Variants in POLQ observed in about 807,000 individuals in gnomAD.
The protein encoded by POLQ is DNA polymerase theta.
POLQ carries 233 observed loss-of-function variants against 259.2 expected under a neutral mutation model. The observed-to-expected ratio is 0.90, with a 90% CI of 0.81 to 1.00. POLQ has a LOEUF of 1.00. POLQ is among the 50% of genes least tolerant of loss of function. POLQ has a pLI of 0.00. For missense variants in POLQ, 2,871 were observed against 3,051.6 expected, an observed-to-expected ratio of 0.94 and a Z score of 1.39; for synonymous variants, 1,025 against 1,048.8, an observed-to-expected ratio of 0.98 and a Z score of 0.44.
intron 25 of POLQ, among the ~76,000 whole-genome samples, chr3:121,456,606 C>G (rs2047740918): frequency 6.6e-6 from 1 of 151,608 alleles, no homozygotes; most frequent in African/African-American, 2.4e-5. Context: ...AACAGAGAGC[C>G]AAATCATGAG....
At chr3:121,433,104 T>A in intron 28 of POLQ, 71 bp from the exon 29 acceptor site, 4 of 788,986 alleles carry the variant, frequency 5.1e-6, no homozygotes, top group South Asian at 2.8e-5. Flanking sequence ...TTAGAGATTC[T>A]GAGTAACTCT....
At chr3:121,517,288 T>A (rs2048305464) in intron 9 of POLQ, among the ~76,000 whole-genome samples, 1 of 152,186 alleles carries the variant, frequency 6.6e-6, no homozygotes, top group Admixed American at 6.5e-5. Context: ...GCAATCTGCA[T>A]ATTCTGTAGG....
chr3:121,459,442 C>T (rs559021830), intron 25 of POLQ, among the ~76,000 whole-genome samples: 164 of 131,568 alleles, frequency 1.2e-3, no homozygotes, highest in Non-Finnish European at 1.6e-3. Flanking sequence ...AGTGCAGTGG[C>T]GCTATCTCGG....
At position 121,453,224 on chromosome 3, in the gene POLQ, C is replaced by A. The variant is rs541161753; in HGVS notation, c.7153-3798G>T. Among the ~76,000 whole-genome samples the A allele has an allele frequency of 3.1e-4, 47 of 152,220 alleles. 1 individual carries two copies. In the East Asian group the frequency reaches 8.9e-3, roughly 29 times the overall value. Reference sequence around the variant, plus strand: ...CTAACAAACAGAAAGGACATCCACACCAAAAACCCATCTGTACATCACCAT... The same window carrying A: ...CTAACAAACAGAAAGGACATCCACAACAAAAACCCATCTGTACATCACCAT... On this transcript the variant is annotated intron_variant, in intron 25 of 29. Transcript: ENST00000264233.
chr3:121,481,596 A>C lies in POLQ; in HGVS notation c.6187T>G (p.Leu2063Val). The change falls in exon 19 of 30, where the codon TTG becomes GTG. Residue 2063 changes from leucine (L) to valine (V), a missense_variant. Leu to Val is a conservative substitution (Grantham distance 32, BLOSUM62 1). Transcript: ENST00000264233. Reference protein sequence around the residue: ...IFNSMNQLNSLLQKENLQDVF... With the variant: ...IFNSMNQLNSVLQKENLQDVF... ...CCTTGAAGGTTTTCCTTCTGCAACA[A>C]AGAGTTGAGCTGATTCATAGAGTTG... The C allele has an allele frequency of 1.2e-6, 2 of 1,601,394 alleles. No homozygotes were observed.
At chr3:121,497,023 C>A in intron 13 of POLQ, 91 bp from the exon 14 acceptor site, 1 of 1,246,068 alleles carries the variant, frequency 8.0e-7, no homozygotes, top group Non-Finnish European at 1.1e-6. Context: ...ACTGGAAAGG[C>A]AACAGAGGGC....
intron 12 of POLQ, among the ~76,000 whole-genome samples, chr3:121,501,533 C>G (rs1446268201): frequency 1.3e-5 from 2 of 149,808 alleles, no homozygotes; most frequent in Non-Finnish European, 1.5e-5. Context: ...GTGGCGGGCG[C>G]CTGTAGTCCC....
In POLQ at chr3:121,498,650, A is replaced by G. The variant is rs1332990998; in HGVS notation, c.1980T>C (p.Asp660=). Residue 660 remains aspartate, a synonymous_variant, in exon 13 of 30, where the codon GAT becomes GAC. Coordinates refer to ENST00000264233, the MANE Select transcript of POLQ (RefSeq NM_199420.4). The part of the protein sequence containing the change: ...ILYLVTPMFE[D]WTTIDWYRFF... ...ATCGATACCAATCAATAGTAGTCCA[A>G]TCCTCAAACATAGGTGTAACCTAAA... 1 of 1,611,560 alleles carries G rather than the reference A, an allele frequency of 6.2e-7. No individual in the cohort carries two copies.
intron 12 of POLQ, among the ~76,000 whole-genome samples, chr3:121,504,441 A>AAAT (rs2048194494): frequency 6.6e-6 from 1 of 152,166 alleles, no homozygotes; most frequent in African/African-American, 2.4e-5. Context: ...AAGTGGCTTG[A>AAAT]CTGGTGAAAT....
rs1435795337 is a variant in POLQ at position 121,473,336 on chromosome 3, G to T, written c.6543+14C>A. The T allele has an allele frequency of 6.2e-7, 1 of 1,603,904 alleles. No individual in the cohort carries two copies. The highest frequency in any genetic ancestry group is 1.3e-5 in the African/African-American group (1 of 74,352). On this transcript the variant is annotated intron_variant, in intron 21 of 29. Transcript: ENST00000264233. Reference sequence around the variant, plus strand: ...TTAGGTTCTGCCCTGCTCTGTGACTGCCCCAAAGAGCACCTTACTAGTGCT... The same window carrying T: ...TTAGGTTCTGCCCTGCTCTGTGACTTCCCCAAAGAGCACCTTACTAGTGCT...
chr3:121,451,359 G>A (rs1027751231), intron 25 of POLQ, among the ~76,000 whole-genome samples: 1 of 152,182 alleles, frequency 6.6e-6, no homozygotes, highest in African/African-American at 2.4e-5. Flanking sequence ...AGTGGGAGAG[G>A]CACTCTGATT....
chr3:121,484,336 A>G lies in POLQ; in HGVS notation c.5773+705T>C, dbSNP rs546789108. On this transcript the variant is annotated intron_variant, in intron 17 of 29. Transcript: ENST00000264233. Reference sequence around the variant, plus strand: ...CCAAAGTTTATATAATTCGACTACTATAGATCTCTAGCTCAACATTCCCTC... The same window carrying G: ...CCAAAGTTTATATAATTCGACTACTGTAGATCTCTAGCTCAACATTCCCTC... Among the ~76,000 whole-genome samples, 6 of 152,338 alleles carry G rather than the reference A, an allele frequency of 3.9e-5. No individual in the cohort carries two copies. In the South Asian group the frequency reaches 1.0e-3, roughly 26 times the overall value.
chr3:121,478,603 T>G (rs982285425), intron 19 of POLQ, among the ~76,000 whole-genome samples: 41 of 113,960 alleles, frequency 3.6e-4, no homozygotes, highest in Non-Finnish European at 6.7e-4. Flanking sequence ...AAAAAAAAGT[T>G]AAGCCTGAAA....
At position 121,545,828 on chromosome 3, in the gene POLQ, G is replaced by T. The variant is rs777270432; in HGVS notation, c.50C>A (p.Ser17Ter). Residue 17 changes from serine to a stop codon, truncating the protein, a stop_gained, in exon 1 of 30, where the codon TCA (serine) becomes TAA (stop). Coordinates refer to ENST00000264233, the MANE Select transcript of POLQ (RefSeq NM_199420.4). LOFTEE classifies it high-confidence loss of function. ...ACCGCCGCTTCCCGAGAACGAATCT[G>T]AGCCTGATTCTGAACGCCGCCGTTT... is the stretch of plus-strand genomic sequence containing the variant. ...SGKRRRSESGSDSFSGSGGDS... is the reference protein window; with the variant it reads ...SGKRRRSESG 6.2e-7 allele frequency: 1 copy of T among 1,613,982 alleles called. No homozygotes were observed. Among genetic ancestry groups the T allele is most frequent in the Non-Finnish European group, 8.5e-7 (1 of 1,179,976 alleles).
intron 4 of POLQ, 68 bp downstream of exon 4, chr3:121,539,365 C>A: frequency 7.9e-7 from 1 of 1,257,870 alleles, no homozygotes; most frequent in African/African-American, 1.5e-5. Context: ...AGAGAAATCA[C>A]AACAGCTCCA....
At chr3:121,545,369 G>T (rs1217333519) in intron 1 of POLQ, among the ~76,000 whole-genome samples, 1 of 152,122 alleles carries the variant, frequency 6.6e-6, no homozygotes, top group South Asian at 2.1e-4. Flanking sequence ...AGCCTGTGCC[G>T]TACTCCAGGC....
At chr3:121,468,523 G>A in intron 22 of POLQ, 92 bp from the exon 23 acceptor site, 1 of 836,082 alleles carries the variant, frequency 1.2e-6, no homozygotes, top group Non-Finnish European at 1.9e-6. Flanking sequence ...TCTTAAAAAT[G>A]CAGACTATCA....
chr3:121,538,639 G>A (rs1037611163), intron 4 of POLQ, among the ~76,000 whole-genome samples: 2 of 151,120 alleles, frequency 1.3e-5, no homozygotes, highest in Admixed American at 1.3e-4. Flanking sequence ...ACTGTGCTAG[G>A]TACATTGGAA....
chr3:121,528,108 C>T (rs906310873), intron 7 of POLQ, among the ~76,000 whole-genome samples: 1 of 151,968 alleles, frequency 6.6e-6, no homozygotes, highest in Non-Finnish European at 1.5e-5. Flanking sequence ...GTCTGTGTGC[C>T]TAAGTTTTGA....
Sources: gnomAD v4.1 joint callset for allele counts (sites outside exome capture counted in the v4.1 genomes callset) on GRCh38, gnomAD v4.1.1 for gene constraint, MANE v1.5 for transcripts, NCBI Gene and HGNC (gene_info 2026-07-23, HGNC 2026-07-21) for gene names.